The following DOCK10 variants were observed in gnomAD, a reference collection of about 807,000 sequenced individuals.
The protein encoded by DOCK10 is dedicator of cytokinesis 10, also known as dedicator of cytokinesis protein 10.
DOCK10 carries 145 observed loss-of-function variants against 280.1 expected under a neutral mutation model. That is an observed-to-expected ratio of 0.52 (90% CI 0.45 to 0.59). DOCK10 has a LOEUF of 0.59. DOCK10 is among the 20% of genes least tolerant of loss of function. The probability of loss-of-function intolerance (pLI) is 0.00; values close to 1 mark genes in which losing one functional copy is unlikely to be tolerated. For synonymous variants in DOCK10, 915 were observed against 942.2 expected (o/e 0.97, Z 0.53); for missense variants, 2,368 against 2,651.7 (o/e 0.89, Z 2.35).
At chr2:225,018,532 A>AAGGTGGAGAGGT (rs1559965806) in intron 1 of DOCK10, among the ~76,000 whole-genome samples, 44 of 36,418 alleles carry the variant, frequency 1.2e-3, no homozygotes, top group East Asian at 2.0e-3. Context: ...TATAATATAT[A>AAGGTGGAGAGGT]TGTAATATTA....
At chr2:224,903,644 C>T (rs1314750708) in intron 3 of DOCK10, among the ~76,000 whole-genome samples, 1 of 152,188 alleles carries the variant, frequency 6.6e-6, no homozygotes, top group Non-Finnish European at 1.5e-5. Flanking sequence ...CCAATCATTG[C>T]TCTCATGTAA....
chr2:224,806,383 C>T (rs1693396129), intron 33 of DOCK10, 146 bp from the exon 34 acceptor site: 5 of 508,324 alleles, frequency 9.8e-6, no homozygotes, highest in Non-Finnish European at 3.4e-6. Flanking sequence ...CTAAAGTAGG[C>T]AGTGAAAACA....
intron 1 of DOCK10, among the ~76,000 whole-genome samples, chr2:224,960,201 A>G (rs1704283918): frequency 6.6e-6 from 1 of 152,066 alleles, no homozygotes; most frequent in Admixed American, 6.5e-5. Context: ...TGTTATTCCT[A>G]TTGTTCCTGG....
rs751602232 is a variant in DOCK10, at chr2:224,866,600, C to T, written c.1258-1513G>A. Among the ~76,000 whole-genome samples the T allele has an allele frequency of 1.1e-4, 16 of 152,202 alleles. No homozygotes were observed. In the South Asian group the frequency reaches 2.3e-3, roughly 22 times the overall value. On this transcript the variant is annotated intron_variant, in intron 11 of 55. Transcript: ENST00000258390. ...TGATAACTTCCATTGCAGTCAACTA[C>T]CACCATGATGGCGACCAATGGTGAT...
chr2:224,890,848 C>T (rs1328297319), intron 4 of DOCK10, among the ~76,000 whole-genome samples: 2 of 152,126 alleles, frequency 1.3e-5, no homozygotes, highest in Non-Finnish European at 2.9e-5. Flanking sequence ...TTGAGTTGCA[C>T]ACGTGTACTG....
At chr2:224,887,989 T>C (rs1012522978) in intron 4 of DOCK10, among the ~76,000 whole-genome samples, 10 of 152,174 alleles carry the variant, frequency 6.6e-5, no homozygotes, top group African/African-American at 2.4e-4. Flanking sequence ...ACAAGCATTA[T>C]GGGAAACAGT....
chr2:224,941,449 G>A (rs1301494364), intron 1 of DOCK10, among the ~76,000 whole-genome samples: 2 of 152,158 alleles, frequency 1.3e-5, no homozygotes, highest in East Asian at 3.8e-4. Flanking sequence ...CTCCACTTTT[G>A]AGTTTCTGCA....
chr2:224,898,986 A>C (rs1292031029), intron 3 of DOCK10, among the ~76,000 whole-genome samples: 2 of 152,222 alleles, frequency 1.3e-5, no homozygotes, highest in African/African-American at 4.8e-5. Context: ...CAAGCCAAGG[A>C]GACAGAACTT....
intron 10 of DOCK10, 36 bp from the exon 11 acceptor site, chr2:224,874,187 C>G: frequency 6.4e-7 from 1 of 1,573,122 alleles, no homozygotes; most frequent in East Asian, 2.3e-5. Flanking sequence ...AAACATCCAA[C>G]ATAAAAAAGA....
In DOCK10 at chr2:225,035,542, T is replaced by TGATATATATATA. The variant is rs1415059109; in HGVS notation, c.123+6709_123+6710insTATATATATATC. 6.0e-5 allele frequency among the ~76,000 whole-genome samples: 3 copies of TGATATATATATA among 50,030 alleles called. 1 individual carries two copies. The highest frequency in any genetic ancestry group is 1.2e-4 in the Non-Finnish European group (3 of 25,904). The allele number at this position is 50,030 out of a possible 152,430, so 32.8% of individuals were successfully genotyped here. On this transcript the variant is annotated intron_variant, in intron 1 of 55. Transcript: ENST00000258390. ...TAGATCTTATATGATATGATATATATTATATATATATATATATATATATAT... is the reference window on the plus strand; with the variant it reads ...TAGATCTTATATGATATGATATATATGATATATATATATATATATATATATATATATATATAT...
chr2:224,951,701 C>T (rs1026510050), intron 1 of DOCK10, among the ~76,000 whole-genome samples: 4 of 152,196 alleles, frequency 2.6e-5, no homozygotes, highest in African/African-American at 7.2e-5. Flanking sequence ...TTCAGTGCGG[C>T]TCAGCTGACT....
At chr2:225,034,017 C>A (rs978281346) in intron 1 of DOCK10, among the ~76,000 whole-genome samples, 1 of 152,210 alleles carries the variant, frequency 6.6e-6, no homozygotes, top group Non-Finnish European at 1.5e-5. Context: ...CCCAATATCC[C>A]AGGTTGCTGA....
intron 2 of DOCK10, among the ~76,000 whole-genome samples, chr2:224,919,321 A>T (rs111209757): frequency 2.8e-5 from 4 of 142,260 alleles, no homozygotes; most frequent in Admixed American, 6.9e-5. Context: ...TGTCAGTGTG[A>T]GTGTGTGGTG....
chr2:224,789,787 T>C (rs903526550), intron 47 of DOCK10, among the ~76,000 whole-genome samples: 1 of 37,112 alleles, frequency 2.7e-5, no homozygotes, highest in African/African-American at 1.8e-4. Context: ...ATACTTGCTT[T>C]TTTTTTTTTT....
intron 4 of DOCK10, among the ~76,000 whole-genome samples, chr2:224,886,891 C>CCA (rs1478696637): frequency 1.3e-5 from 2 of 150,360 alleles, no homozygotes; most frequent in Non-Finnish European, 3.0e-5. Flanking sequence ...CCCCAACACC[C>CCA]CCCCAAGTAG....
intron 28 of DOCK10, 52 bp downstream of exon 28, chr2:224,823,449 G>A (rs1694638975): frequency 3.4e-6 from 5 of 1,466,622 alleles, no homozygotes; most frequent in Non-Finnish European, 2.7e-6. Flanking sequence ...AGACTATCTT[G>A]CATCCACCAA....
rs1195535877 is a variant in DOCK10, at chr2:224,797,916, A to G, written c.4560T>C (p.Asp1520=). Residue 1520 remains aspartate, a synonymous_variant, in exon 42 of 56, where the codon GAT becomes GAC. Transcript: ENST00000258390. ...TGACTTGGAAAAAGAGCATGTAGGT[A>G]TCAAAGACCCTTTTCATCAATGAAT... ...CQNSLMKRVF[D]TYMLFFQVNQ... is the part of the protein sequence containing the mutation. 9 of 1,613,896 alleles carry G rather than the reference A, an allele frequency of 5.6e-6. No homozygotes were observed. The highest frequency in any genetic ancestry group is 7.6e-6 in the Non-Finnish European group (9 of 1,179,792).
In DOCK10 at chr2:224,805,045, C is replaced by T. The variant is rs945525368; in HGVS notation, c.4118+13G>A. The T allele has an allele frequency of 6.3e-7, 1 of 1,597,790 alleles. No individual in the cohort carries two copies. Among genetic ancestry groups the T allele is most frequent in the East Asian group, 2.3e-5 (1 of 44,394 alleles). On this transcript the variant is annotated intron_variant, in intron 37 of 55. Transcript: ENST00000258390. The surrounding 1 kb of genome is among the most constrained non-coding windows in gnomAD (Gnocchi z 4.3). ...CCAGAAAAAAGTGTTAAGTCATCAA[C>T]TCTAAAACTTACTCCAAGATGCTGA...
chr2:224,891,085 G>A (rs762657571), intron 4 of DOCK10, among the ~76,000 whole-genome samples: 3 of 152,112 alleles, frequency 2.0e-5, no homozygotes, highest in Non-Finnish European at 2.9e-5. Context: ...ATGGATGGAT[G>A]GATGGATGGA....
Sources: gnomAD v4.1 joint callset for allele counts (sites outside exome capture counted in the v4.1 genomes callset) on GRCh38, gnomAD v4.1.1 for gene constraint, Gnocchi (gnomAD v3.1) non-coding constraint, MANE v1.5 for transcripts, NCBI Gene and HGNC (gene_info 2026-07-23, HGNC 2026-07-21) for gene names.